IQSEC1: variants seen among roughly 807,000 people sequenced by gnomAD.
IQSEC1 encodes IQ motif and Sec7 domain ArfGEF 1, also known as IQ motif and SEC7 domain-containing protein 1.
In IQSEC1, 31 loss-of-function variants were observed where a neutral mutation model predicts 91.0. The ratio of observed to expected loss-of-function variants is 0.34; its 90% CI spans 0.26 to 0.46. The LOEUF (loss-of-function observed/expected upper bound fraction) is 0.46, where lower values mean the gene tolerates loss of function less well. Among genes scored for constraint, IQSEC1 ranks in the 20% least tolerant of loss-of-function variants. IQSEC1 has a pLI of 1.00. For synonymous variants in IQSEC1, 699 were observed against 662.6 expected (o/e 1.05, Z -0.84); for missense variants, 1,388 against 1,575.6 (o/e 0.88, Z 2.02).
rs374740506 is a variant in IQSEC1 at position 12,990,093 on chromosome 3, G to T, written c.24-48228C>A. Among the ~76,000 whole-genome samples the T allele has an allele frequency of 3.9e-5, 6 of 152,092 alleles. No homozygotes were observed. The East Asian group carries it at 1.2e-3, about 29-fold the overall frequency. The stretch of plus-strand genomic sequence containing the variant: ...ATGAAATGCTCCCATAATACCCCTC[G>T]GCACTTGGCTTTATTAAAACACGTT... On this transcript the variant is annotated intron_variant, in intron 1 of 13. Coordinates refer to ENST00000613206, the MANE Select transcript of IQSEC1 (RefSeq NM_001134382.3).
Position 12,901,008 on chromosome 3 carries a change from G to T in IQSEC1, c.3320C>A (p.Pro1107His). The part of the protein sequence containing the change: ...PPPPTSSKAK[P>H]SGISTIV Reference sequence around the variant, plus strand: ...CTACACAATTGTGCTGATGCCGCTGGGTTTGGCCTTGCTGCTGGTGGGGGG... The same window carrying T: ...CTACACAATTGTGCTGATGCCGCTGTGTTTGGCCTTGCTGCTGGTGGGGGG... The change falls in exon 14 of 14, where the codon CCC becomes CAC. Residue 1107 changes from proline (P) to histidine (H), a missense_variant. This residue lies in a region of IQSEC1 where 329 missense variants were observed against 257.8 expected (regional missense o/e 1.28). Coordinates refer to ENST00000613206, the MANE Select transcript of IQSEC1 (RefSeq NM_001134382.3). 1.3e-6 allele frequency: 2 copies of T among 1,545,474 alleles called. No homozygotes were observed. The highest frequency in any genetic ancestry group is 1.7e-6 in the Non-Finnish European group (2 of 1,146,802).
intron 1 of IQSEC1, among the ~76,000 whole-genome samples, chr3:13,241,874 C>T (rs972348126): frequency 2.6e-5 from 4 of 152,286 alleles, no homozygotes; most frequent in African/African-American, 7.2e-5. Context: ...TTTTCACAGA[C>T]GGAACGGGAA....
At chr3:13,238,445 T>C (rs546720913) in intron 1 of IQSEC1, among the ~76,000 whole-genome samples, 2 of 152,272 alleles carry the variant, frequency 1.3e-5, no homozygotes, top group African/African-American at 4.8e-5. Flanking sequence ...CCTCCAGGCC[T>C]CTACTCAGCT....
chr3:13,277,121 A>C (rs1428261444), intron 1 of IQSEC1, among the ~76,000 whole-genome samples: 2 of 149,858 alleles, frequency 1.3e-5, no homozygotes, highest in East Asian at 3.9e-4. Flanking sequence ...AAAAAAAAAA[A>C]AAAAAAAAAA....
chr3:13,055,609 G>A (rs1704847993), intron 1 of IQSEC1, among the ~76,000 whole-genome samples: 2 of 152,168 alleles, frequency 1.3e-5, no homozygotes, highest in Non-Finnish European at 2.9e-5. Context: ...GTAGAGCAGG[G>A]GCACAGGCAA....
intron 2 of IQSEC1, among the ~76,000 whole-genome samples, chr3:13,144,206 C>T (rs150750524): frequency 1.2e-3 from 185 of 152,324 alleles, no homozygotes; most frequent in African/African-American, 4.1e-3. Flanking sequence ...CCTCTTTAGC[C>T]GACAAAACAG....
chr3:13,024,227 C>T (rs762422025), intron 1 of IQSEC1, among the ~76,000 whole-genome samples: 1 of 152,192 alleles, frequency 6.6e-6, no homozygotes, highest in Non-Finnish European at 1.5e-5. Flanking sequence ...ATCCACACAC[C>T]TTCCTCTCCA....
intron 2 of IQSEC1, among the ~76,000 whole-genome samples, chr3:13,099,434 G>A (rs567495333): frequency 6.6e-6 from 1 of 152,296 alleles, no homozygotes; most frequent in South Asian, 2.1e-4. Context: ...GGCTACTTTC[G>A]AAAGAGTGAA....
At chr3:13,231,869 C>G (rs1018343137) in intron 1 of IQSEC1, among the ~76,000 whole-genome samples, 9 of 152,230 alleles carry the variant, frequency 5.9e-5, no homozygotes, top group Non-Finnish European at 1.3e-4. Flanking sequence ...ACTCACACCC[C>G]CTTTGGCGAT....
intron 1 of IQSEC1, among the ~76,000 whole-genome samples, chr3:13,043,496 G>A (rs1049212481): frequency 5.3e-5 from 8 of 152,152 alleles, no homozygotes; most frequent in Non-Finnish European, 8.8e-5. Flanking sequence ...CTGCAGCTCC[G>A]CTCCTCCTCG....
intron 3 of IQSEC1, among the ~76,000 whole-genome samples, chr3:12,926,262 A>G (rs1697117068): frequency 6.6e-6 from 1 of 151,714 alleles, no homozygotes; most frequent in African/African-American, 2.4e-5. Context: ...GTGAGCCGAG[A>G]TTGTACCACT....
chr3:13,271,334 A>G (rs1481440636), intron 1 of IQSEC1, among the ~76,000 whole-genome samples: 1 of 152,054 alleles, frequency 6.6e-6, no homozygotes, highest in African/African-American at 2.4e-5. Flanking sequence ...CCGAGATGGC[A>G]CCACTGTACT....
intron 2 of IQSEC1, among the ~76,000 whole-genome samples, chr3:13,112,414 C>T (rs913381120): frequency 6.6e-5 from 10 of 152,220 alleles, no homozygotes; most frequent in South Asian, 2.1e-4. Context: ...GAAGAGTCCC[C>T]GGCACATGTG....
At chr3:12,917,656 T>C (rs1357629749) in intron 6 of IQSEC1, among the ~76,000 whole-genome samples, 3 of 152,214 alleles carry the variant, frequency 2.0e-5, no homozygotes, top group African/African-American at 7.2e-5. Context: ...CAAGGACGTC[T>C]GGTGGTTGCC....
chr3:13,029,095 C>T (rs776339356), intron 1 of IQSEC1, among the ~76,000 whole-genome samples: 5 of 152,190 alleles, frequency 3.3e-5, no homozygotes, highest in Non-Finnish European at 5.9e-5. Flanking sequence ...TAGAAGATCA[C>T]GAATATATAG....
At chr3:13,061,363 C>CAATG (rs1456602081) in intron 1 of IQSEC1, among the ~76,000 whole-genome samples, 1 of 152,180 alleles carries the variant, frequency 6.6e-6, no homozygotes, top group African/African-American at 2.4e-5. Flanking sequence ...ATGTAACATA[C>CAATG]AATGCCCTAG....
intron 1 of IQSEC1, among the ~76,000 whole-genome samples, chr3:13,242,873 G>C (rs1047418443): frequency 2.0e-5 from 3 of 152,126 alleles, no homozygotes; most frequent in African/African-American, 7.2e-5. Context: ...GAGGAGAGGA[G>C]GGGGAGGGTG....
At chr3:13,277,268 T>A (rs540277351) in intron 1 of IQSEC1, among the ~76,000 whole-genome samples, 4 of 152,122 alleles carry the variant, frequency 2.6e-5, no homozygotes, top group African/African-American at 9.6e-5. Flanking sequence ...CCCTCCAACG[T>A]GACCGACCCC....
At chr3:12,926,164 G>A (rs1248634864) in intron 3 of IQSEC1, among the ~76,000 whole-genome samples, 1 of 152,098 alleles carries the variant, frequency 6.6e-6, no homozygotes, top group Non-Finnish European at 1.5e-5. Context: ...TCCAAAATTG[G>A]CTGGGCGTGG....
Sources: gnomAD v4.1 joint callset for allele counts (sites outside exome capture counted in the v4.1 genomes callset) on GRCh38, gnomAD v4.1.1 for gene constraint, gnomAD v4.1.1 regional missense constraint, MANE v1.5 for transcripts, NCBI Gene and HGNC (gene_info 2026-07-23, HGNC 2026-07-21) for gene names.